Variants in PCDH15 observed in about 807,000 individuals in gnomAD.
PCDH15 encodes protocadherin-15.
PCDH15 carries 129 observed loss-of-function variants against 178.5 expected under a neutral mutation model. The ratio of observed to expected loss-of-function variants is 0.72; its 90% CI spans 0.63 to 0.84. The LOEUF is 0.84. PCDH15 is among the 40% of genes least tolerant of loss of function. The probability of loss-of-function intolerance (pLI) is 0.00; values close to 1 mark genes in which losing one functional copy is unlikely to be tolerated. For synonymous variants in PCDH15, 800 were observed against 732.0 expected (o/e 1.09, Z -1.50); for missense variants, 2,230 against 2,099.9 (o/e 1.06, Z -1.21).
intron 3 of PCDH15, among the ~76,000 whole-genome samples, chr10:54,867,723 C>G (rs1953965274): frequency 6.6e-6 from 1 of 151,868 alleles, no homozygotes; most frequent in African/African-American, 2.4e-5. Context: ...CCTTCTTGAC[C>G]AAACATACTA....
intron 1 of PCDH15, among the ~76,000 whole-genome samples, chr10:54,738,115 T>TGCCAAA (rs1944356777): frequency 3.3e-5 from 5 of 152,088 alleles, no homozygotes; most frequent in Admixed American, 2.6e-4. Context: ...GAGACTGTTA[T>TGCCAAA]GAGGATGATG....
intron 2 of PCDH15, among the ~76,000 whole-genome samples, chr10:54,965,871 T>C (rs1279922895): frequency 1.3e-5 from 2 of 151,028 alleles, no homozygotes; most frequent in Non-Finnish European, 3.0e-5. Flanking sequence ...ATCACATAGA[T>C]ACCCACACAC....
chr10:54,510,400 G>GTGA (rs1298599642), intron 3 of PCDH15, among the ~76,000 whole-genome samples: 3 of 152,148 alleles, frequency 2.0e-5, no homozygotes, highest in Non-Finnish European at 4.4e-5. Flanking sequence ...GAAGATTTAT[G>GTGA]TGATTAATTC....
At chr10:55,074,119 G>T (rs1841822001) in intron 2 of PCDH15, among the ~76,000 whole-genome samples, 1 of 152,032 alleles carries the variant, frequency 6.6e-6, no homozygotes, top group Non-Finnish European at 1.5e-5. Context: ...TTATTGATGA[G>T]CATTTGGGTT....
chr10:55,474,628 A>G (rs1589061147), intron 2 of PCDH15, among the ~76,000 whole-genome samples: 1 of 152,300 alleles, frequency 6.6e-6, no homozygotes, highest in East Asian at 1.9e-4. Context: ...TACTTATACC[A>G]TTTAAAGGAA....
At chr10:54,551,259 CA>C (rs2086572881) in intron 2 of PCDH15, among the ~76,000 whole-genome samples, 1 of 149,370 alleles carries the variant, frequency 6.7e-6, no homozygotes, top group Admixed American at 6.7e-5. Context: ...TATAAACAGA[CA>C]GTGGGAGTGG....
intron 2 of PCDH15, among the ~76,000 whole-genome samples, chr10:54,961,816 C>T (rs1454390381): frequency 6.6e-6 from 1 of 151,998 alleles, no homozygotes; most frequent in South Asian, 2.1e-4. Context: ...ATAAGAGGTA[C>T]CTTTGGGTCT....
intron 8 of PCDH15, among the ~76,000 whole-genome samples, chr10:54,267,986 A>G (rs932341350): frequency 6.6e-6 from 1 of 151,968 alleles, no homozygotes; most frequent in African/African-American, 2.4e-5. Flanking sequence ...TCTTAAGCTA[A>G]AAGAACACAG....
chr10:54,584,042 A>G (rs545863836), intron 2 of PCDH15, among the ~76,000 whole-genome samples: 2 of 152,126 alleles, frequency 1.3e-5, no homozygotes, highest in Non-Finnish European at 2.9e-5. Context: ...ATGGAAAGAA[A>G]GGTGTTTACT....
intron 21 of PCDH15, among the ~76,000 whole-genome samples, chr10:53,994,377 T>G (rs200976498): frequency 6.6e-6 from 1 of 152,122 alleles, no homozygotes; most frequent in Non-Finnish European, 1.5e-5. Flanking sequence ...CACTCATTTA[T>G]TACAGAGTGT....
chr10:54,880,939 T>C (rs921908197), intron 3 of PCDH15, among the ~76,000 whole-genome samples: 1 of 151,524 alleles, frequency 6.6e-6, no homozygotes, highest in Non-Finnish European at 1.5e-5. Context: ...TTTAAGCGAG[T>C]TGTATCTAAA....
chr10:55,400,054 T>A (rs1838026365), intron 2 of PCDH15, among the ~76,000 whole-genome samples: 1 of 152,168 alleles, frequency 6.6e-6, no homozygotes, highest in Non-Finnish European at 1.5e-5. Flanking sequence ...TAACAATCTA[T>A]GTGTTCAATC....
At chr10:54,295,316 C>A (rs990280181) in intron 8 of PCDH15, among the ~76,000 whole-genome samples, 3 of 152,174 alleles carry the variant, frequency 2.0e-5, no homozygotes. Flanking sequence ...TAAAATGGAC[C>A]AATCAGCACT....
intron 2 of PCDH15, among the ~76,000 whole-genome samples, chr10:54,968,905 C>T (rs1564674342): frequency 6.6e-6 from 1 of 152,008 alleles, no homozygotes; most frequent in Non-Finnish European, 1.5e-5. Context: ...TTTTGTTAAT[C>T]TGTTAATCCT....
chr10:54,310,291 A>G (rs1157028960), intron 8 of PCDH15, among the ~76,000 whole-genome samples: 1 of 152,126 alleles, frequency 6.6e-6, no homozygotes, highest in Non-Finnish European at 1.5e-5. Context: ...AACAAAAACA[A>G]AAACAACTTT....
intron 28 of PCDH15, among the ~76,000 whole-genome samples, chr10:53,847,270 A>G (rs1564601076): frequency 6.6e-6 from 1 of 152,184 alleles, no homozygotes; most frequent in South Asian, 2.1e-4. Flanking sequence ...AACCCTACTT[A>G]GGCTTTTGTT....
intron 1 of PCDH15, among the ~76,000 whole-genome samples, chr10:55,193,021 A>T (rs1220590804): frequency 6.8e-6 from 1 of 147,598 alleles, no homozygotes; most frequent in East Asian, 2.0e-4. Context: ...AAGATACTTT[A>T]AAAAAGATGA....
At chr10:55,003,889 T>C (rs780030237) in intron 2 of PCDH15, among the ~76,000 whole-genome samples, 15 of 151,978 alleles carry the variant, frequency 9.9e-5, no homozygotes, top group Non-Finnish European at 1.8e-4. Flanking sequence ...TATCTCAAGT[T>C]GGGGCCTGGA....
chr10:54,494,528 C>T (rs966770635), intron 3 of PCDH15, among the ~76,000 whole-genome samples: 2 of 152,230 alleles, frequency 1.3e-5, no homozygotes, highest in Middle Eastern at 3.4e-3. Context: ...CAGCCTGAAT[C>T]AGTGTAGCAA....
Sources: gnomAD v4.1 joint callset for allele counts (sites outside exome capture counted in the v4.1 genomes callset) on GRCh38, gnomAD v4.1.1 for gene constraint, MANE v1.5 for transcripts, NCBI Gene and HGNC (gene_info 2026-07-23, HGNC 2026-07-21) for gene names.